Variants in DAB1 observed in about 807,000 individuals in gnomAD.
DAB1 encodes the protein DAB adaptor protein 1.
A neutral mutation model predicts 64.6 loss-of-function variants in DAB1; 15 were observed. That is an observed-to-expected ratio of 0.23 (90% CI 0.16 to 0.36). DAB1 has a LOEUF of 0.36. Among genes scored for constraint, DAB1 ranks in the 10% least tolerant of loss-of-function variants. The pLI, the probability that DAB1 is intolerant of heterozygous loss-of-function variation, is 1.00. For synonymous variants in DAB1, 235 were observed against 251.9 expected, an observed-to-expected ratio of 0.93 and a Z score of 0.64; for missense variants, 596 against 706.7, an observed-to-expected ratio of 0.84 and a Z score of 1.78.
Position 57,858,466 on chromosome 1 carries a change from C to T in DAB1, n.87+25533G>A, listed in dbSNP as rs138213511. ...ACCCATATGTAGTATTGTTCTTAGT[C>T]TGCTCTGTGATTTCCCTGAACTCTG... On this transcript the variant is annotated intron_variant and non_coding_transcript_variant, in intron 1 of 1. Coordinates refer to the DAB1 transcript ENST00000477280. Among the ~76,000 whole-genome samples the T allele has an allele frequency of 2.6e-3, 399 of 152,068 alleles. 1 individual carries two copies. The highest frequency in any genetic ancestry group is 6.8e-3 in the Middle Eastern group (2 of 292).
chr1:58,158,295 C>T (rs1655327475), intron 4 of DAB1, among the ~76,000 whole-genome samples: 1 of 151,950 alleles, frequency 6.6e-6, no homozygotes, highest in African/African-American at 2.4e-5. Context: ...AGTTCAGAGC[C>T]CAGGGGGGAA....
intron 7 of DAB1, among the ~76,000 whole-genome samples, chr1:57,528,140 A>C (rs549755817): frequency 2.0e-5 from 3 of 152,292 alleles, no homozygotes; most frequent in African/African-American, 7.2e-5. Flanking sequence ...GGACACAATC[A>C]GCAAAGAAAT....
chr1:57,700,898 A>G (rs1159512121), intron 6 of DAB1, among the ~76,000 whole-genome samples: 5 of 151,902 alleles, frequency 3.3e-5, no homozygotes, highest in Non-Finnish European at 5.9e-5. Flanking sequence ...TCCTCTGACT[A>G]TGTATTTTCA....
intron 1 of DAB1, among the ~76,000 whole-genome samples, chr1:57,367,514 G>C (rs562151557): frequency 6.6e-6 from 1 of 152,148 alleles, no homozygotes; most frequent in Non-Finnish European, 1.5e-5. Context: ...CTTGCAGTAA[G>C]AATCAATCAG....
At chr1:58,042,674 T>G (rs1647154833) in intron 5 of DAB1, among the ~76,000 whole-genome samples, 1 of 152,202 alleles carries the variant, frequency 6.6e-6, no homozygotes, top group Non-Finnish European at 1.5e-5. Context: ...GGGGACAGCA[T>G]GTGCAAAGAC....
chr1:57,822,851 G>A (rs1225540646), downstream of DAB1, among the ~76,000 whole-genome samples: 1 of 152,048 alleles, frequency 6.6e-6, no homozygotes, highest in Non-Finnish European at 1.5e-5. Context: ...AAAAATTAGT[G>A]AGATATTTAT....
At chr1:57,726,113 T>C (rs1435021350) in intron 6 of DAB1, among the ~76,000 whole-genome samples, 3 of 152,216 alleles carry the variant, frequency 2.0e-5, no homozygotes, top group Admixed American at 6.5e-5. Flanking sequence ...TTCTAGTTCT[T>C]GGAGATACAG....
intron 1 of DAB1, among the ~76,000 whole-genome samples, chr1:57,317,456 T>A (rs1675310726): frequency 1.3e-5 from 2 of 152,198 alleles, no homozygotes; most frequent in South Asian, 4.2e-4. Flanking sequence ...CAATTTTTTT[T>A]AGTCACGTAA....
At chr1:57,387,623 A>G (rs1478271433) in intron 1 of DAB1, among the ~76,000 whole-genome samples, 1 of 152,096 alleles carries the variant, frequency 6.6e-6, no homozygotes, top group Non-Finnish European at 1.5e-5. Context: ...GGAGTTCGTG[A>G]GTAGCTTGAC....
intron 4 of DAB1, among the ~76,000 whole-genome samples, chr1:57,082,383 G>C (rs1652634700): frequency 6.6e-6 from 1 of 152,144 alleles, no homozygotes; most frequent in Non-Finnish European, 1.5e-5. Context: ...CAAACCATAA[G>C]AGAGTCTTTA....
At chr1:57,625,218 C>T (rs1645908092) in intron 7 of DAB1, among the ~76,000 whole-genome samples, 1 of 152,016 alleles carries the variant, frequency 6.6e-6, no homozygotes, top group African/African-American at 2.4e-5. Flanking sequence ...TTCTTTCCTT[C>T]TCTTCTTTCC....
chr1:57,040,167 CA>C (rs887857973), intron 9 of DAB1, among the ~76,000 whole-genome samples: 1 of 152,038 alleles, frequency 6.6e-6, no homozygotes, highest in African/African-American at 2.4e-5. Flanking sequence ...TTATTAAATA[CA>C]TGGCACCCAA....
chr1:57,103,683 AC>A (rs1654886464), intron 4 of DAB1, among the ~76,000 whole-genome samples: 1 of 152,162 alleles, frequency 6.6e-6, no homozygotes. Context: ...CACATCAAGT[AC>A]TTTGATCTTA....
chr1:57,069,136 A>G (rs1651207945), intron 8 of DAB1, among the ~76,000 whole-genome samples: 1 of 152,202 alleles, frequency 6.6e-6, no homozygotes, highest in South Asian at 2.1e-4. Context: ...TAAAATAGTT[A>G]AGATCCATTC....
At chr1:57,548,804 A>AT (rs1644883255) in intron 7 of DAB1, among the ~76,000 whole-genome samples, 1 of 152,126 alleles carries the variant, frequency 6.6e-6, no homozygotes, top group African/African-American at 2.4e-5. Flanking sequence ...GTTTTCTAGC[A>AT]TTTTCTCTTC....
chr1:57,282,182 C>CAAAAAAAA (rs61512431), intron 2 of DAB1, among the ~76,000 whole-genome samples: 3 of 92,768 alleles, frequency 3.2e-5, no homozygotes, highest in African/African-American at 4.4e-5. Context: ...GCCTTCTTCT[C>CAAAAAAAA]AAAAAAAAAA....
intron 3 of DAB1, among the ~76,000 whole-genome samples, chr1:58,427,857 G>A (rs906595175): frequency 3.9e-5 from 6 of 152,178 alleles, no homozygotes; most frequent in African/African-American, 1.2e-4. Context: ...CTCAGCCAGC[G>A]TGAAGAGGTT....
At chr1:57,892,297 A>T (rs1644327130) in intron 5 of DAB1, among the ~76,000 whole-genome samples, 1 of 152,170 alleles carries the variant, frequency 6.6e-6, no homozygotes, top group Non-Finnish European at 1.5e-5. Flanking sequence ...AAACCTTCCC[A>T]GAAGGACCTC....
In DAB1 at chr1:57,985,512, T is replaced by C. The variant is rs556357217; in HGVS notation, n.388-101350A>G. 2.6e-5 allele frequency among the ~76,000 whole-genome samples: 4 copies of C among 152,234 alleles called. No homozygotes were observed. In the South Asian group the frequency reaches 8.3e-4, roughly 32 times the overall value. On this transcript the variant is annotated intron_variant and non_coding_transcript_variant, in intron 5 of 20. Transcript: ENST00000485760. ...ACCAACTTCTGTGCCTAGAACATAA[T>C]ATACGCTTAATATGTATATTAAATA...
Sources: gnomAD v4.1 joint callset for allele counts (sites outside exome capture counted in the v4.1 genomes callset) on GRCh38, gnomAD v4.1.1 for gene constraint, MANE v1.5 for transcripts, NCBI Gene and HGNC (gene_info 2026-07-23, HGNC 2026-07-21) for gene names.